Variants in NRG1 observed in about 807,000 individuals in gnomAD.
NRG1 encodes the protein neuregulin 1, also known as pro-neuregulin-1, membrane-bound isoform.
NRG1 carries 18 observed loss-of-function variants against 63.8 expected under a neutral mutation model. The observed-to-expected ratio is 0.28, with a 90% confidence interval of 0.19 to 0.42. NRG1 has a LOEUF of 0.42. NRG1 is among the 10% of genes least tolerant of loss of function. The pLI is 1.00. For synonymous variants in NRG1, 302 were observed against 301.3 expected, an observed-to-expected ratio of 1.00 and a Z score of -0.02; for missense variants, 762 against 814.7, an observed-to-expected ratio of 0.94 and a Z score of 0.79.
chr8:32,347,767 G>A (rs1323989606), intron 1 of NRG1, among the ~76,000 whole-genome samples: 1 of 152,160 alleles, frequency 6.6e-6, no homozygotes, highest in Non-Finnish European at 1.5e-5. Flanking sequence ...ACAAAACAGT[G>A]TCTGAAAGAT....
At chr8:32,503,502 TAA>T (rs1242738306) in intron 1 of NRG1, among the ~76,000 whole-genome samples, 6 of 152,084 alleles carry the variant, frequency 3.9e-5, no homozygotes, top group Non-Finnish European at 8.8e-5. Flanking sequence ...ATTGTTGAAA[TAA>T]AGTTTGTCAG....
At chr8:31,994,888 T>C (rs995197958) in intron 1 of NRG1, among the ~76,000 whole-genome samples, 17 of 151,846 alleles carry the variant, frequency 1.1e-4, no homozygotes, top group African/African-American at 4.1e-4. Context: ...AGATACTAGG[T>C]TTTAAGTTAA....
At chr8:31,690,844 G>A (rs62506914) in intron 1 of NRG1, among the ~76,000 whole-genome samples, 33,242 of 152,100 alleles carry the variant, frequency 0.22, 4,681 homozygotes, top group East Asian at 0.64. Context: ...TGTTGGGCCT[G>A]TTATAAAGTT....
At chr8:32,491,202 C>T (rs1826514310) in intron 1 of NRG1, among the ~76,000 whole-genome samples, 1 of 152,028 alleles carries the variant, frequency 6.6e-6, no homozygotes, top group Non-Finnish European at 1.5e-5. Context: ...GATATCAGCA[C>T]AATTATTGTG....
At chr8:31,964,682 A>G (rs571580855) in intron 1 of NRG1, among the ~76,000 whole-genome samples, 5 of 152,190 alleles carry the variant, frequency 3.3e-5, no homozygotes, top group African/African-American at 1.2e-4. Context: ...AAACACAGCA[A>G]GGACCCTATT....
At position 32,239,929 on chromosome 8, in the gene NRG1, G is replaced by C. The variant is rs1281302032; in HGVS notation, c.38-355899G>C. ...TACCAATTGCTGGAGAGGATGTGGA[G>C]AAACTGGATCACTCATACATTGTTG... On this transcript the variant is annotated intron_variant, in intron 1 of 10. Transcript: ENST00000519301. Among the ~76,000 whole-genome samples the C allele has an allele frequency of 3.3e-5, 5 of 152,300 alleles. No individual in the cohort carries two copies. The East Asian group carries it at 9.6e-4, about 29-fold the overall frequency.
At chr8:32,389,318 G>T (rs1811420009) in intron 1 of NRG1, among the ~76,000 whole-genome samples, 1 of 152,186 alleles carries the variant, frequency 6.6e-6, no homozygotes, top group Admixed American at 6.5e-5. Context: ...AGAGATTTTT[G>T]CTATGCAAAG....
At chr8:32,214,277 C>T (rs146238521) in intron 1 of NRG1, among the ~76,000 whole-genome samples, 5 of 152,160 alleles carry the variant, frequency 3.3e-5, no homozygotes, top group Non-Finnish European at 2.9e-5. Flanking sequence ...GTGGCATATT[C>T]GGCTACCCTA....
chr8:31,812,368 A>G (rs1166331050), intron 1 of NRG1, among the ~76,000 whole-genome samples: 2 of 152,130 alleles, frequency 1.3e-5, no homozygotes, highest in Non-Finnish European at 2.9e-5. Flanking sequence ...CATTTCCATT[A>G]AATTCCCAGG....
chr8:32,062,159 C>T (rs1823988459), intron 1 of NRG1, among the ~76,000 whole-genome samples: 1 of 152,038 alleles, frequency 6.6e-6, no homozygotes, highest in East Asian at 1.9e-4. Flanking sequence ...AAGGTCCTTT[C>T]TGAGATATTT....
At chr8:32,081,942 C>T (rs1345531527) in intron 1 of NRG1, among the ~76,000 whole-genome samples, 4 of 152,136 alleles carry the variant, frequency 2.6e-5, no homozygotes, top group Non-Finnish European at 5.9e-5. Context: ...AAGCCTCTGG[C>T]CAATCTGCCT....
intron 1 of NRG1, among the ~76,000 whole-genome samples, chr8:32,330,440 T>C (rs73582343): frequency 0.096 from 14,583 of 152,250 alleles, 968 homozygotes; most frequent in African/African-American, 0.18. Context: ...AGTAGGTTTA[T>C]TGGGGAGTGT....
At chr8:32,344,227 A>ATT (rs1804440192) in intron 1 of NRG1, among the ~76,000 whole-genome samples, 1 of 152,130 alleles carries the variant, frequency 6.6e-6, no homozygotes, top group African/African-American at 2.4e-5. Context: ...AATGGCAAGT[A>ATT]TTTCGTTTAT....
intron 1 of NRG1, among the ~76,000 whole-genome samples, chr8:31,660,070 G>A (rs7017198): frequency 0.16 from 24,726 of 152,132 alleles, 2,201 homozygotes; most frequent in Admixed American, 0.22. Context: ...ACCAAGTTCG[G>A]CTTATTAGAA....
At chr8:32,222,402 G>A (rs1845914028) in intron 1 of NRG1, among the ~76,000 whole-genome samples, 1 of 151,866 alleles carries the variant, frequency 6.6e-6, no homozygotes. Context: ...AAAGTTCTGT[G>A]TAACTGTTAG....
intron 1 of NRG1, among the ~76,000 whole-genome samples, chr8:32,127,320 C>T (rs1196819148): frequency 6.6e-6 from 1 of 151,848 alleles, no homozygotes; most frequent in Non-Finnish European, 1.5e-5. Context: ...GCCCTCTATA[C>T]CTTCCTATAC....
intron 1 of NRG1, among the ~76,000 whole-genome samples, chr8:32,527,851 A>T (rs1831028422): frequency 6.6e-6 from 1 of 151,734 alleles, no homozygotes; most frequent in Admixed American, 6.6e-5. Flanking sequence ...TTTTTTTCAC[A>T]CCCCACATAC....
chr8:32,725,001 G>A (rs572753007), intron 5 of NRG1, among the ~76,000 whole-genome samples: 2 of 152,058 alleles, frequency 1.3e-5, no homozygotes, highest in Non-Finnish European at 2.9e-5. Flanking sequence ...AAAGAGGGTT[G>A]TTTCTAGTTT....
chr8:31,887,037 G>A (rs1259686428), intron 1 of NRG1, among the ~76,000 whole-genome samples: 2 of 152,122 alleles, frequency 1.3e-5, no homozygotes, highest in African/African-American at 4.8e-5. Flanking sequence ...ACATACCATA[G>A]GTTTTCTTGG....
Sources: allele counts gnomAD v4.1 joint callset (sites outside exome capture counted in the v4.1 genomes callset), GRCh38; gene constraint gnomAD v4.1.1; transcripts MANE v1.5; gene names NCBI Gene and HGNC (gene_info 2026-07-23, HGNC 2026-07-21).